The following IQGAP3 variants were observed in gnomAD, a reference collection of about 807,000 sequenced individuals.
IQGAP3 encodes IQ motif containing GTPase activating protein 3, also known as ras GTPase-activating-like protein IQGAP3.
In IQGAP3, 165 loss-of-function variants were observed where a neutral mutation model predicts 208.2. The ratio of observed to expected loss-of-function variants is 0.79; its 90% CI spans 0.70 to 0.90. The LOEUF (loss-of-function observed/expected upper bound fraction) is 0.90. IQGAP3 is among the 40% of genes least tolerant of loss of function. IQGAP3 has a pLI of 0.00. For synonymous variants in IQGAP3, 703 were observed against 803.6 expected (o/e 0.87, Z 2.12); for missense variants, 1,811 against 2,043.1 (o/e 0.89, Z 2.19).
chr1:156,552,112 G>A lies in IQGAP3; in HGVS notation c.1449-17C>T. On this transcript the variant is annotated splice_polypyrimidine_tract_variant and intron_variant, in intron 13 of 37. Transcript: ENST00000361170. ...TCGAAGTAACTGGCAGTGGGGTGAAGGGCAGAGAGGTGAGTAGCATGTGAA... is the reference window on the plus strand; with the variant it reads ...TCGAAGTAACTGGCAGTGGGGTGAAAGGCAGAGAGGTGAGTAGCATGTGAA... 1 of 1,612,344 alleles carries A rather than the reference G, an allele frequency of 6.2e-7. No individual in the cohort carries two copies. Among genetic ancestry groups the A allele is most frequent in the Non-Finnish European group, 8.5e-7 (1 of 1,179,200 alleles).
In IQGAP3 at chr1:156,564,614, C is replaced by A. The variant is rs1201841991; in HGVS notation, c.437+1G>T. ...GGATGATAAAATTTGAGGTCTCTCA[C>A]CTGAGAGCATGGATGCAGTAGACTA... On this transcript the variant is annotated splice_donor_variant, in intron 5 of 37. Transcript: ENST00000361170. LOFTEE classifies it high-confidence loss of function. 1 of 1,608,270 alleles carries A rather than the reference C, an allele frequency of 6.2e-7. No individual in the cohort carries two copies. Among genetic ancestry groups the A allele is most frequent in the Non-Finnish European group, 8.5e-7 (1 of 1,174,784 alleles).
At chr1:156,535,787 A>G (rs764714787) in intron 27 of IQGAP3, among the ~76,000 whole-genome samples, 53 of 152,166 alleles carry the variant, frequency 3.5e-4, no homozygotes, top group Admixed American at 6.5e-4. Flanking sequence ...TTTGGACTCC[A>G]CCACCAACCA....
intron 19 of IQGAP3, among the ~76,000 whole-genome samples, chr1:156,545,221 T>C (rs1675179276): frequency 6.6e-6 from 1 of 152,146 alleles, no homozygotes. Flanking sequence ...CTCAAGGCCC[T>C]CTTCCAATCC....
intron 11 of IQGAP3, among the ~76,000 whole-genome samples, chr1:156,560,303 G>A (rs1166547537): frequency 6.6e-6 from 1 of 152,138 alleles, no homozygotes; most frequent in Non-Finnish European, 1.5e-5. Context: ...CTTGAGGCCA[G>A]GAGTTTGAGA....
intron 11 of IQGAP3, among the ~76,000 whole-genome samples, chr1:156,557,803 G>T (rs1298388739): frequency 4.0e-4 from 1 of 2,494 alleles, no homozygotes; most frequent in African/African-American, 4.5e-4. Context: ...AGGGAGGTGG[G>T]GGGATCAGCC....
In IQGAP3 at chr1:156,539,025, A is replaced by C; in HGVS notation, c.3065T>G (p.Val1022Gly). The C allele has an allele frequency of 2.5e-6, 4 of 1,613,084 alleles. No individual in the cohort carries two copies. Among genetic ancestry groups the C allele is most frequent in the Non-Finnish European group, 3.4e-6 (4 of 1,179,498 alleles). ...TALQEEIKSK[V>G]EQPQDVVTGN... ...TGTCACCACGTCCTGGGGCTGCTCC[A>C]CCTTTGACCTGTGGTTTAAGAGGTC... The change falls in exon 26 of 38, where the codon GTG becomes GGG. Residue 1022 changes from valine (V) to glycine (G), a missense_variant. Val to Gly is a moderately radical substitution (Grantham distance 109). Coordinates refer to ENST00000361170, the MANE Select transcript of IQGAP3 (RefSeq NM_178229.5).
chr1:156,531,299 T>A (rs760011067), intron 32 of IQGAP3, 52 bp from the exon 33 acceptor site: 1 of 1,383,058 alleles, frequency 7.2e-7, no homozygotes. Context: ...GGGAAGGGCC[T>A]GGACATGGGA....
At chr1:156,529,116 T>A (rs1196223396) in intron 34 of IQGAP3, 34 bp from the exon 35 acceptor site, 1 of 1,609,980 alleles carries the variant, frequency 6.2e-7, no homozygotes, top group Non-Finnish European at 8.5e-7. Flanking sequence ...GGATGAGTGG[T>A]CCTTCCTGGC....
intron 28 of IQGAP3, 23 bp from the exon 29 acceptor site, chr1:156,534,756 C>G (rs1460592104): frequency 6.8e-7 from 1 of 1,467,594 alleles, no homozygotes; most frequent in South Asian, 1.4e-5. Flanking sequence ...GAGACTCTCC[C>G]AGAAGTGTCC....
At chr1:156,531,603 GTT>G (rs34783419) in intron 32 of IQGAP3, among the ~76,000 whole-genome samples, 7 of 120,528 alleles carry the variant, frequency 5.8e-5, no homozygotes, top group Non-Finnish European at 3.4e-5. Context: ...CAGCTCACTT[GTT>G]TTTTTTTTTT....
chr1:156,526,242 G>A lies in IQGAP3; in HGVS notation c.*244C>T. The A allele has an allele frequency of 2.0e-6, 1 of 499,736 alleles. No homozygotes were observed. The allele number at this position is 499,736 out of a possible 1,614,324, so 31.0% of individuals were successfully genotyped here. A position where few individuals can be genotyped will look rare whatever the true frequency, so the allele number is the denominator to read the frequency against. On this transcript the variant is annotated 3_prime_UTR_variant, in exon 38 of 38. Coordinates refer to ENST00000361170, the MANE Select transcript of IQGAP3 (RefSeq NM_178229.5). ...TCCTACCATCTGGCAGGAAAGCCAGGGGTTTGTCATGCATGATAAAAGCCA... is the reference window on the plus strand; with the variant it reads ...TCCTACCATCTGGCAGGAAAGCCAGAGGTTTGTCATGCATGATAAAAGCCA...
At chr1:156,540,199 G>A (rs961951494) in intron 23 of IQGAP3, among the ~76,000 whole-genome samples, 1 of 152,140 alleles carries the variant, frequency 6.6e-6, no homozygotes, top group Admixed American at 6.5e-5. Context: ...TCATGGGAGT[G>A]AGTCCCCAAA....
rs1343127945 is a variant in IQGAP3 at position 156,540,710 on chromosome 1, G to A, written c.2737C>T (p.Gln913Ter). The part of the protein sequence containing the change: ...GLLVKNRITL[Q>*]EVVSHCKKLT... ...GGGAGGACTGGTGGGCCCCATACCT[G>A]CAGAGTGATCCGGTTCTTCACCAGC... Residue 913 changes from glutamine to a stop codon, truncating the protein, a stop_gained and splice_region_variant, in exon 23 of 38, where the codon CAG (glutamine) becomes TAG (stop). Coordinates refer to ENST00000361170, the MANE Select transcript of IQGAP3 (RefSeq NM_178229.5). LOFTEE classifies it high-confidence loss of function. 6.2e-7 allele frequency: 1 copy of A among 1,613,586 alleles called. No homozygotes were observed. The highest frequency in any genetic ancestry group is 8.5e-7 in the Non-Finnish European group (1 of 1,179,826).
rs956728252 is a variant in IQGAP3, at chr1:156,525,743, A to G, written c.*743T>C. 6.6e-6 allele frequency: 1 copy of G among 151,714 alleles called. No individual in the cohort carries two copies. The highest frequency in any genetic ancestry group is 2.4e-5 in the African/African-American group (1 of 41,372). The allele number at this position is 151,714 out of a possible 1,614,324, so 9.4% of individuals were successfully genotyped here. A position where few individuals can be genotyped will look rare whatever the true frequency, so the allele number is the denominator to read the frequency against. ...CTCTTTGAGCTCAAAAAAAAAAAAAAAAAAAAAAAAATGAAAGCGTTAAAA... is the reference window on the plus strand; with the variant it reads ...CTCTTTGAGCTCAAAAAAAAAAAAAGAAAAAAAAAAATGAAAGCGTTAAAA... On this transcript the variant is annotated 3_prime_UTR_variant, in exon 38 of 38. Coordinates refer to ENST00000361170, the MANE Select transcript of IQGAP3 (RefSeq NM_178229.5).
chr1:156,539,646 C>T (rs1396834162), intron 24 of IQGAP3, 109 bp from the exon 25 acceptor site: 98 of 1,266,794 alleles, frequency 7.7e-5, no homozygotes, highest in Middle Eastern at 2.0e-4. Context: ...GAAAGCACTA[C>T]CACACTTTCT....
rs1393224692 is a variant in IQGAP3 at position 156,525,756 on chromosome 1, G to GAAAAAAAAA, written c.*729_*730insTTTTTTTTT. On this transcript the variant is annotated 3_prime_UTR_variant, in exon 38 of 38. Coordinates refer to ENST00000361170, the MANE Select transcript of IQGAP3 (RefSeq NM_178229.5). ...AAAAAAAAAAAAAAAAAAAAAAAAT[G>GAAAAAAAAA]AAAGCGTTAAAACCCTGATTAAGTC... The GAAAAAAAAA allele has an allele frequency of 4.4e-4, 31 of 71,130 alleles. No homozygotes were observed. Among genetic ancestry groups the GAAAAAAAAA allele is most frequent in the African/African-American group, 8.9e-4 (21 of 23,720 alleles). The allele number at this position is 71,130 out of a possible 1,614,324, so 4.4% of individuals were successfully genotyped here.
At chr1:156,528,861 G>C in intron 35 of IQGAP3, 55 bp downstream of exon 35, 1 of 1,592,060 alleles carries the variant, frequency 6.3e-7, no homozygotes, top group Non-Finnish European at 8.6e-7. Flanking sequence ...AAGGTGACAT[G>C]GGCAGGGGTG....
intron 8 of IQGAP3, 133 bp from the exon 9 acceptor site, chr1:156,562,798 C>T: frequency 1.2e-6 from 1 of 840,258 alleles, no homozygotes; most frequent in East Asian, 2.5e-5. Flanking sequence ...GCTCAGAATT[C>T]AGGAATTGTG....
At chr1:156,530,355 C>G (rs1674333517) in intron 33 of IQGAP3, 38 bp from the exon 34 acceptor site, 19 of 1,561,180 alleles carry the variant, frequency 1.2e-5, no homozygotes, top group Non-Finnish European at 1.6e-5. Context: ...CTACCAGGTC[C>G]TACCATTCTG....
Sources: allele counts gnomAD v4.1 joint callset (sites outside exome capture counted in the v4.1 genomes callset), GRCh38; gene constraint gnomAD v4.1.1; transcripts MANE v1.5; gene names NCBI Gene and HGNC (gene_info 2026-07-23, HGNC 2026-07-21).